RNF115: variants seen among roughly 807,000 people sequenced by gnomAD.
RNF115 encodes the protein ring finger protein 115.
A neutral mutation model predicts 39.2 loss-of-function variants in RNF115; 31 were observed. The ratio of observed to expected loss-of-function variants is 0.79; its 90% CI spans 0.59 to 1.07. RNF115 has a LOEUF of 1.07. RNF115 is among the 50% of genes least tolerant of loss of function. The pLI is 0.00. For missense variants in RNF115, 384 were observed against 381.7 expected, an observed-to-expected ratio of 1.01 and a Z score of -0.05; for synonymous variants, 124 against 131.0, an observed-to-expected ratio of 0.95 and a Z score of 0.37.
At chr1:145,816,692 G>C (rs1650007540) in intron 1 of RNF115, among the ~76,000 whole-genome samples, 1 of 146,898 alleles carries the variant, frequency 6.8e-6, no homozygotes, top group Non-Finnish European at 1.5e-5. Context: ...CTGGTGTTCA[G>C]TGAGGACAGC....
At chr1:145,812,390 G>C (rs587774170) in intron 1 of RNF115, among the ~76,000 whole-genome samples, 4 of 150,870 alleles carry the variant, frequency 2.7e-5, no homozygotes, top group African/African-American at 9.7e-5. Flanking sequence ...AGGCGTGGTG[G>C]CTAACACCTG....
intron 2 of RNF115, among the ~76,000 whole-genome samples, chr1:145,785,010 T>G (rs1329945245): frequency 2.0e-5 from 3 of 152,224 alleles, no homozygotes; most frequent in Non-Finnish European, 1.5e-5. Flanking sequence ...TTCTTAGGAA[T>G]GATTAAATGT....
At chr1:145,766,696 GA>G (rs1647300647) in intron 4 of RNF115, among the ~76,000 whole-genome samples, 1 of 142,542 alleles carries the variant, frequency 7.0e-6, no homozygotes, top group Non-Finnish European at 1.6e-5. Context: ...CTCCCTCCCG[GA>G]CGGGGCGGCT....
At chr1:145,777,408 T>C (rs186922353) in intron 3 of RNF115, among the ~76,000 whole-genome samples, 16 of 152,330 alleles carry the variant, frequency 1.1e-4, no homozygotes, top group African/African-American at 3.4e-4. Flanking sequence ...GGCATTTTCC[T>C]ACTAGTATAC....
chr1:145,824,086 A>G lies in RNF115; in HGVS notation c.-213T>C, dbSNP rs1650476469. ...CCTCCCAGCACCAAAGAGGCGCAGGAAGGAGAGACAAACGGCCCGCCCGCC... is the reference window on the plus strand; with the variant it reads ...CCTCCCAGCACCAAAGAGGCGCAGGGAGGAGAGACAAACGGCCCGCCCGCC... On this transcript the variant is annotated 5_prime_UTR_variant, in exon 1 of 9. Transcript: ENST00000582693. 1 of 468,558 alleles carries G rather than the reference A, an allele frequency of 2.1e-6. No individual in the cohort carries two copies. 29.0% of individuals were successfully genotyped at this position (468,558 alleles called of 1,614,324 possible). A position where few individuals can be genotyped will look rare whatever the true frequency, so the allele number is the denominator to read the frequency against.
chr1:145,761,864 C>T (rs1444746263), intron 4 of RNF115, among the ~76,000 whole-genome samples: 2 of 152,138 alleles, frequency 1.3e-5, no homozygotes, highest in African/African-American at 4.8e-5. Flanking sequence ...TGAAAGCAGC[C>T]GGGAGGGAGG....
intron 2 of RNF115, among the ~76,000 whole-genome samples, chr1:145,788,519 C>G (rs1284473194): frequency 1.3e-5 from 2 of 152,202 alleles, no homozygotes; most frequent in Non-Finnish European, 2.9e-5. Context: ...AGAGGTATAA[C>G]AGCAGTTTAC....
At chr1:145,782,054 C>G (rs1648173604) in intron 3 of RNF115, among the ~76,000 whole-genome samples, 2 of 152,010 alleles carry the variant, frequency 1.3e-5, no homozygotes, top group South Asian at 4.2e-4. Context: ...AGGCGCCCAC[C>G]ACCATGCCTG....
chr1:145,789,700 CTTTTTTTTTTT>C (rs67276251), intron 1 of RNF115, among the ~76,000 whole-genome samples: 3 of 86,766 alleles, frequency 3.5e-5, no homozygotes, highest in South Asian at 4.3e-4. Flanking sequence ...ACCCGGACTT[CTTTTTTTTTTT>C]TTTTTTTTTT....
At chr1:145,809,465 G>A (rs1374213424) in intron 1 of RNF115, among the ~76,000 whole-genome samples, 11 of 137,682 alleles carry the variant, frequency 8.0e-5, no homozygotes, top group African/African-American at 3.0e-4. Context: ...ATAGGTGTGC[G>A]CCACTGCACC....
intron 1 of RNF115, among the ~76,000 whole-genome samples, chr1:145,801,732 CAGTAACTCATTTCTCTCT>C (rs2101590627): frequency 6.6e-6 from 1 of 152,248 alleles, no homozygotes; most frequent in South Asian, 2.1e-4. Flanking sequence ...TCTTACCCCT[CAGTAACTCATTTCTCTCT>C]TTTTCAGTAA....
chr1:145,748,283 G>C (rs1331596686), intron 7 of RNF115, among the ~76,000 whole-genome samples, 173 bp from the exon 8 acceptor site: 2 of 152,116 alleles, frequency 1.3e-5, no homozygotes, highest in Admixed American at 6.5e-5. Flanking sequence ...TTCAAAATGA[G>C]GGTAAAGGTG....
intron 1 of RNF115, among the ~76,000 whole-genome samples, chr1:145,820,132 A>G (rs1348154751): frequency 4.0e-5 from 6 of 149,720 alleles, no homozygotes; most frequent in African/African-American, 1.2e-4. Context: ...AGGCAAATCA[A>G]TAAATGTGAT....
In RNF115 at chr1:145,744,867, A is replaced by G. The variant is rs1553711472; in HGVS notation, c.*1999T>C. ...CATTCTTGACCTTCTTAATTTATCC[A>G]ATGTTAAACACTTGAATGCTACAAA... On this transcript the variant is annotated 3_prime_UTR_variant, in exon 9 of 9. Transcript: ENST00000582693. 6.6e-6 allele frequency: 1 copy of G among 152,084 alleles called. No homozygotes were observed. The highest frequency in any genetic ancestry group is 1.9e-4 in the East Asian group (1 of 5,196). The allele number at this position is 152,084 out of a possible 1,614,324, so 9.4% of individuals were successfully genotyped here. A position where few individuals can be genotyped will look rare whatever the true frequency, so the allele number is the denominator to read the frequency against.
intron 1 of RNF115, among the ~76,000 whole-genome samples, chr1:145,802,773 A>C (rs1649305344): frequency 6.6e-6 from 1 of 152,306 alleles, no homozygotes; most frequent in South Asian, 2.1e-4. Context: ...TCACATGGCA[A>C]GACAGTCAGA....
In RNF115 at chr1:145,743,340, A is replaced by T. The variant is rs1657742267; in HGVS notation, c.*3526T>A. 6.6e-6 allele frequency: 1 copy of T among 152,204 alleles called. No homozygotes were observed. The highest frequency in any genetic ancestry group is 2.1e-4 in the South Asian group (1 of 4,824). 9.4% of individuals were successfully genotyped at this position (152,204 alleles called of 1,614,324 possible). A position where few individuals can be genotyped will look rare whatever the true frequency, so the allele number is the denominator to read the frequency against. On this transcript the variant is annotated 3_prime_UTR_variant, in exon 9 of 9. Transcript: ENST00000582693. Reference sequence around the variant, plus strand: ...AGACCTCAGTCTTTTCCTGCCTCTGAACTGGAACAGAAACATCAGCTCTTC... The same window carrying T: ...AGACCTCAGTCTTTTCCTGCCTCTGTACTGGAACAGAAACATCAGCTCTTC...
intron 4 of RNF115, among the ~76,000 whole-genome samples, chr1:145,759,531 T>C (rs1451422360): frequency 6.6e-6 from 1 of 152,170 alleles, no homozygotes. Context: ...ATTGCCAAAC[T>C]GCATCTGAAA....
rs1553712468 is a variant in RNF115, at chr1:145,751,460, C to T, written c.551G>A (p.Gly184Glu). Residue 184 changes from glycine to glutamate, a missense_variant, in exon 6 of 9, where the codon GGG becomes GAG. Coordinates refer to ENST00000582693, the MANE Select transcript of RNF115 (RefSeq NM_014455.4). ...NPGDYAWGQT[G>E]LDAIVTQLLG... ...CACCTGGGTTACAATGGCATCAAGC[C>T]CTGTCTGACCCCAGGCATAGTCCCC... The T allele has an allele frequency of 6.3e-7, 1 of 1,591,370 alleles. No individual in the cohort carries two copies. The highest frequency in any genetic ancestry group is 1.8e-5 in the Admixed American group (1 of 57,066).
chr1:145,773,866 A>C (rs1345554631), intron 3 of RNF115: 1 of 151,930 alleles, frequency 6.6e-6, no homozygotes, highest in East Asian at 1.9e-4. Flanking sequence ...AAAGGACAAA[A>C]CAGAACACAG....
Sources: allele counts gnomAD v4.1 joint callset (sites outside exome capture counted in the v4.1 genomes callset), GRCh38; gene constraint gnomAD v4.1.1; transcripts MANE v1.5; gene names NCBI Gene and HGNC (gene_info 2026-07-23, HGNC 2026-07-21).